MREG: variants seen among roughly 807,000 people sequenced by gnomAD.
The protein encoded by MREG is dilute suppressor protein homolog.
Under a neutral mutation model 28.5 loss-of-function variants are expected in MREG, and 31 were observed. The ratio of observed to expected loss-of-function variants is 1.09; its 90% confidence interval spans 0.82 to 1.47. The LOEUF (loss-of-function observed/expected upper bound fraction) is 1.47. MREG is among the 40% of genes most tolerant of loss of function. The pLI is 0.00. For missense variants in MREG, 256 were observed against 257.4 expected (o/e 0.99, Z 0.04); for synonymous variants, 106 against 95.2 (o/e 1.11, Z -0.66).
intron 2 of MREG, among the ~76,000 whole-genome samples, chr2:215,988,193 C>T (rs951756443): frequency 2.0e-5 from 3 of 152,112 alleles, no homozygotes; most frequent in African/African-American, 7.2e-5. Flanking sequence ...ACCTGAGGTA[C>T]CTGGCTTATC....
chr2:216,005,223 A>T (rs1694116712), intron 1 of MREG, among the ~76,000 whole-genome samples: 1 of 152,158 alleles, frequency 6.6e-6, no homozygotes, highest in Non-Finnish European at 1.5e-5. Flanking sequence ...ACACGGAGGA[A>T]TCTCACAAAG....
At chr2:216,026,721 T>TACACAC (rs144405857) in intron 1 of MREG, among the ~76,000 whole-genome samples, 1 of 151,182 alleles carries the variant, frequency 6.6e-6, no homozygotes, top group South Asian at 2.1e-4. Flanking sequence ...GGGTAAAACA[T>TACACAC]ACACACACAC....
At chr2:215,974,056 C>T (rs1273022370) in intron 2 of MREG, among the ~76,000 whole-genome samples, 1 of 152,188 alleles carries the variant, frequency 6.6e-6, no homozygotes, top group Non-Finnish European at 1.5e-5. Context: ...GGTAAAAGAG[C>T]TTGGGTGTGA....
intron 2 of MREG, among the ~76,000 whole-genome samples, chr2:215,992,354 T>C (rs1479802486): frequency 6.6e-6 from 1 of 152,244 alleles, no homozygotes; most frequent in Non-Finnish European, 1.5e-5. Context: ...CAGCCCTTCA[T>C]GCTAAAAACT....
rs1477146193 is a variant in MREG, at chr2:216,013,506, G to A, written c.-179C>T. The A allele has an allele frequency of 1.3e-4, 25 of 187,586 alleles. No individual in the cohort carries two copies. In the Admixed American group the frequency reaches 1.4e-3, roughly 11 times the overall value. 11.6% of individuals were successfully genotyped at this position (187,586 alleles called of 1,614,324 possible). A position where few individuals can be genotyped will look rare whatever the true frequency, so the allele number is the denominator to read the frequency against. ...CCGGGGACGCGGGCGAGGGCTGCAG[G>A]CCGCGCGCCCTCCTCTCCTTGCGTT... On this transcript the variant is annotated 5_prime_UTR_variant, in exon 1 of 5. Coordinates refer to ENST00000263268, the MANE Select transcript of MREG (RefSeq NM_018000.3).
At chr2:215,994,384 G>A (rs1329557989) in intron 2 of MREG, among the ~76,000 whole-genome samples, 2 of 151,616 alleles carry the variant, frequency 1.3e-5, no homozygotes, top group Non-Finnish European at 2.9e-5. Flanking sequence ...GACACGGGGA[G>A]GGGAACGTCA....
At chr2:216,030,107 G>C (rs1259983781) in intron 1 of MREG, among the ~76,000 whole-genome samples, 2 of 152,104 alleles carry the variant, frequency 1.3e-5, no homozygotes, top group African/African-American at 4.8e-5. Flanking sequence ...AGAAGATTTA[G>C]GTTTCAAATT....
At chr2:215,951,786 C>A (rs985081177) in intron 2 of MREG, among the ~76,000 whole-genome samples, 1 of 152,182 alleles carries the variant, frequency 6.6e-6, no homozygotes, top group African/African-American at 2.4e-5. Context: ...GTCCTGCCAC[C>A]ATCAATGGCT....
chr2:216,018,916 T>C (rs1694483534), intron 1 of MREG, among the ~76,000 whole-genome samples: 2 of 152,082 alleles, frequency 1.3e-5, no homozygotes, highest in Admixed American at 1.3e-4. Context: ...GACCAAGAAA[T>C]TGACATGTGA....
Position 216,023,132 on chromosome 2 carries a change from A to G in MREG, c.-68+9657T>C, listed in dbSNP as rs573159633. ...CAACTCTCCCGGACAAGTTCTACCA[A>G]AGTAAAGACAGCAGGTGGACCTCCC... On this transcript the variant is annotated intron_variant, in intron 1 of 3. Coordinates refer to the MREG transcript ENST00000420348. Among the ~76,000 whole-genome samples, 28 of 152,340 alleles carry G rather than the reference A, an allele frequency of 1.8e-4. 1 individual carries two copies. The East Asian group carries it at 5.4e-3, about 29-fold the overall frequency.
At chr2:215,952,699 C>G (rs1252932301) in intron 2 of MREG, among the ~76,000 whole-genome samples, 1 of 151,806 alleles carries the variant, frequency 6.6e-6, no homozygotes, top group African/African-American at 2.4e-5. Flanking sequence ...ATAATATAAT[C>G]ACATAGAAAT....
chr2:216,027,570 G>A (rs148177451), intron 1 of MREG, among the ~76,000 whole-genome samples: 81 of 152,288 alleles, frequency 5.3e-4, no homozygotes, highest in African/African-American at 1.8e-3. Context: ...GCACATGCCT[G>A]TAATCCCAGC....
intron 1 of MREG, among the ~76,000 whole-genome samples, chr2:216,001,505 G>A (rs948018659): frequency 3.9e-5 from 6 of 152,204 alleles, no homozygotes; most frequent in African/African-American, 1.4e-4. Context: ...TGGCTACGAA[G>A]CAGCCTCCTC....
At chr2:216,028,230 G>C (rs1309405952) in intron 1 of MREG, among the ~76,000 whole-genome samples, 1 of 152,090 alleles carries the variant, frequency 6.6e-6, no homozygotes, top group Admixed American at 6.5e-5. Flanking sequence ...AAAATACCCA[G>C]ATAGGCCGGG....
chr2:215,945,500 A>G, intron 4 of MREG, 71 bp downstream of exon 4: 2 of 1,537,066 alleles, frequency 1.3e-6, no homozygotes, highest in Non-Finnish European at 1.8e-6. Context: ...AATACGGAGG[A>G]TAGTGAATAG....
chr2:215,988,924 C>G (rs555194575), intron 2 of MREG, among the ~76,000 whole-genome samples: 1 of 152,340 alleles, frequency 6.6e-6, no homozygotes, highest in East Asian at 1.9e-4. Context: ...TCCCATCTCC[C>G]TGGGACAGAG....
chr2:215,961,245 C>T (rs1692779450), intron 2 of MREG, among the ~76,000 whole-genome samples: 1 of 152,232 alleles, frequency 6.6e-6, no homozygotes, highest in African/African-American at 2.4e-5. Context: ...TGTCTCACCA[C>T]TCTGGAGCAC....
chr2:215,961,170 C>A (rs946373250), intron 2 of MREG, among the ~76,000 whole-genome samples: 1 of 152,210 alleles, frequency 6.6e-6, no homozygotes, highest in Admixed American at 6.5e-5. Flanking sequence ...CGGTCTGGCA[C>A]CTTCAAGACT....
intron 2 of MREG, among the ~76,000 whole-genome samples, chr2:215,966,664 C>T (rs188455015): frequency 1.5e-4 from 23 of 150,014 alleles, no homozygotes; most frequent in African/African-American, 5.7e-4. Flanking sequence ...TGCAGTGGCA[C>T]GATCTCGGCT....
Sources: gnomAD v4.1 joint callset for allele counts (sites outside exome capture counted in the v4.1 genomes callset) on GRCh38, gnomAD v4.1.1 for gene constraint, MANE v1.5 for transcripts, NCBI Gene and HGNC (gene_info 2026-07-23, HGNC 2026-07-21) for gene names.